Variants in POU6F2 observed in about 807,000 individuals in gnomAD.
POU6F2 encodes the protein POU class 6 homeobox 2, also known as POU domain, class 6, transcription factor 2.
POU6F2 carries 31 observed loss-of-function variants against 71.3 expected under a neutral mutation model. The observed-to-expected ratio is 0.43, with a 90% CI of 0.33 to 0.59. The LOEUF (loss-of-function observed/expected upper bound fraction) is 0.59, where lower values mean the gene tolerates loss of function less well. Among genes scored for constraint, POU6F2 ranks in the 20% least tolerant of loss-of-function variants. The probability of loss-of-function intolerance (pLI) is 0.04; values close to 1 mark genes in which losing one functional copy is unlikely to be tolerated. For synonymous variants in POU6F2, 347 were observed against 355.7 expected, an observed-to-expected ratio of 0.98 and a Z score of 0.27; for missense variants, 783 against 856.8, an observed-to-expected ratio of 0.91 and a Z score of 1.07.
At chr7:39,008,276 A>G (rs1301060765) in intron 1 of POU6F2, among the ~76,000 whole-genome samples, 3 of 151,252 alleles carry the variant, frequency 2.0e-5, no homozygotes, top group Non-Finnish European at 4.4e-5. Context: ...TCTGATGGCC[A>G]GTGATGATGA....
At chr7:39,005,515 T>TGTGTGTGTGTGTGTGTGTGTG (rs1562664683) in intron 1 of POU6F2, among the ~76,000 whole-genome samples, 4 of 151,048 alleles carry the variant, frequency 2.6e-5, no homozygotes, top group Non-Finnish European at 3.0e-5. Flanking sequence ...TGTGTGTGTG[T>TGTGTGTGTGTGTGTGTGTGTG]TTATGTTGTG....
rs116448480 is a variant in POU6F2 at position 39,334,467 on chromosome 7, G to A, written c.599-5175G>A. ...CCACTATTATACACAATCGACTCAC[G>A]TAACAAACATGCACATATACCTCCT... On this transcript the variant is annotated intron_variant, in intron 4 of 9. Coordinates refer to ENST00000518318, the MANE Select transcript of POU6F2 (RefSeq NM_001370959.1). Among the ~76,000 whole-genome samples the A allele has an allele frequency of 7.6e-3, 1,145 of 151,604 alleles. 10 individuals carry two copies. The highest frequency in any genetic ancestry group is 0.026 in the African/African-American group (1,085 of 41,250).
intron 4 of POU6F2, among the ~76,000 whole-genome samples, chr7:39,232,316 A>G (rs1227093264): frequency 6.6e-6 from 1 of 151,600 alleles, no homozygotes; most frequent in Non-Finnish European, 1.5e-5. Flanking sequence ...AAAGGTTTTT[A>G]GGAAAAAAAA....
chr7:39,057,302 T>G, intron 1 of POU6F2, among the ~76,000 whole-genome samples: 1 of 152,146 alleles, frequency 6.6e-6, no homozygotes, highest in African/African-American at 2.4e-5. Flanking sequence ...ATATAACAAT[T>G]TTTAAAAAAA....
At chr7:39,159,202 A>T (rs13234858) in intron 2 of POU6F2, among the ~76,000 whole-genome samples, 1 of 151,756 alleles carries the variant, frequency 6.6e-6, no homozygotes, top group Non-Finnish European at 1.5e-5. Context: ...AAAAAAAATA[A>T]CCATTTCAGA....
At chr7:39,120,499 A>G (rs1792019436) in intron 2 of POU6F2, among the ~76,000 whole-genome samples, 1 of 152,216 alleles carries the variant, frequency 6.6e-6, no homozygotes, top group African/African-American at 2.4e-5. Flanking sequence ...AATGAAACAT[A>G]CTGATTTTCA....
chr7:39,022,302 A>G (rs904047542), intron 1 of POU6F2, among the ~76,000 whole-genome samples: 1 of 152,122 alleles, frequency 6.6e-6, no homozygotes. Flanking sequence ...CTAAAATGAA[A>G]CATATATATA....
At chr7:39,089,078 G>A (rs893016092) in intron 2 of POU6F2, among the ~76,000 whole-genome samples, 2 of 152,182 alleles carry the variant, frequency 1.3e-5, no homozygotes, top group Non-Finnish European at 2.9e-5. Context: ...GAAGCCATAT[G>A]CCAGCCTAAG....
chr7:39,207,426 T>C lies in POU6F2; in HGVS notation c.404T>C (p.Val135Ala), dbSNP rs138865854. ...LLTAQQLASA[V>A]AGVMPGGPPA... ...ACGGCACAGCAGTTAGCTTCTGCTG[T>C]GGCCGGCGTGATGCCGGGAGGCCCC... is the stretch of plus-strand genomic sequence containing the variant. The change falls in exon 4 of 10, where the codon GTG becomes GCG. Residue 135 changes from valine (V) to alanine (A), a missense_variant. By Grantham distance (64) the Val-to-Ala change is moderately conservative. This residue lies in a region of POU6F2 where 572 missense variants were observed against 572.9 expected (regional missense o/e 1.00). Coordinates refer to ENST00000518318, the MANE Select transcript of POU6F2 (RefSeq NM_001370959.1). The C allele has an allele frequency of 4.6e-5, 75 of 1,613,882 alleles. No individual in the cohort carries two copies. Among genetic ancestry groups the C allele is most frequent in the Middle Eastern group, 3.3e-4 (2 of 6,084 alleles).
chr7:39,052,719 C>T (rs1790422397), intron 1 of POU6F2, among the ~76,000 whole-genome samples: 2 of 152,220 alleles, frequency 1.3e-5, no homozygotes, highest in South Asian at 4.2e-4. Context: ...AATGGCAAAG[C>T]CTATGTTTTG....
At chr7:39,124,228 G>A (rs1792102735) in intron 2 of POU6F2, among the ~76,000 whole-genome samples, 1 of 151,986 alleles carries the variant, frequency 6.6e-6, no homozygotes, top group South Asian at 2.1e-4. Flanking sequence ...TGTATTTTTA[G>A]TAGAAACGGG....
intron 1 of POU6F2, among the ~76,000 whole-genome samples, chr7:39,038,238 G>A (rs1271990787): frequency 6.6e-6 from 1 of 151,260 alleles, no homozygotes; most frequent in African/African-American, 2.4e-5. Context: ...TTTTTTTGAC[G>A]TACCCTTTTC....
rs1380574751 is a variant in POU6F2 at position 39,451,587 on chromosome 7, C to G, written c.1375C>G (p.Leu459Val). 6.2e-7 allele frequency: 1 copy of G among 1,613,868 alleles called. No individual in the cohort carries two copies. Among genetic ancestry groups the G allele is most frequent in the African/African-American group, 1.3e-5 (1 of 75,036 alleles). Reference sequence around the variant, plus strand: ...TCAAGCAGCCTCCCAAGGCAACCTTCTGCACCTGGCTCACAGCCAAGCATC... The same window carrying G: ...TCAAGCAGCCTCCCAAGGCAACCTTGTGCACCTGGCTCACAGCCAAGCATC... ...VGQAASQGNL[L>V]HLAHSQASMS... The change falls in exon 8 of 10, where the codon CTG becomes GTG. Residue 459 changes from leucine to valine, a missense_variant. By Grantham distance (32) the Leu-to-Val change is conservative (BLOSUM62 1). Transcript: ENST00000518318.
intron 2 of POU6F2, among the ~76,000 whole-genome samples, chr7:39,089,116 T>C (rs1791313399): frequency 6.6e-6 from 1 of 152,168 alleles, no homozygotes; most frequent in Admixed American, 6.5e-5. Context: ...GGCCCTTGTG[T>C]TTTATAAAGT....
intron 1 of POU6F2, among the ~76,000 whole-genome samples, chr7:38,987,717 T>C (rs1484753589): frequency 6.6e-6 from 1 of 152,186 alleles, no homozygotes; most frequent in East Asian, 1.9e-4. Flanking sequence ...TAAAAAGTTA[T>C]GTTTTACGTT....
At chr7:39,164,598 G>C (rs918740252) in intron 2 of POU6F2, among the ~76,000 whole-genome samples, 1 of 151,728 alleles carries the variant, frequency 6.6e-6, no homozygotes, top group African/African-American at 2.4e-5. Flanking sequence ...TGCTGTGGAA[G>C]CATTTGCCAT....
chr7:39,288,344 T>G (rs572505593), intron 4 of POU6F2, among the ~76,000 whole-genome samples: 21 of 152,268 alleles, frequency 1.4e-4, no homozygotes, highest in Admixed American at 5.2e-4. Flanking sequence ...CTCTCTGAGC[T>G]TCAACATCCT....
At chr7:39,360,981 A>G (rs888227813) in intron 5 of POU6F2, among the ~76,000 whole-genome samples, 5 of 152,056 alleles carry the variant, frequency 3.3e-5, no homozygotes, top group African/African-American at 7.2e-5. Context: ...CTCCTATCTC[A>G]TCCTATGAGT....
At chr7:39,057,303 T>C (rs1323422551) in intron 1 of POU6F2, among the ~76,000 whole-genome samples, 5 of 152,142 alleles carry the variant, frequency 3.3e-5, no homozygotes, top group Non-Finnish European at 2.9e-5. Flanking sequence ...TATAACAATT[T>C]TTAAAAAAAT....
Sources: allele counts gnomAD v4.1 joint callset (sites outside exome capture counted in the v4.1 genomes callset), GRCh38; gene constraint gnomAD v4.1.1; regional missense constraint gnomAD v4.1.1; transcripts MANE v1.5; gene names NCBI Gene and HGNC (gene_info 2026-07-23, HGNC 2026-07-21).